HERC1: variants seen among roughly 807,000 people sequenced by gnomAD.
HERC1 encodes HECT and RLD domain containing E3 ubiquitin protein ligase family member 1.
HERC1 carries 160 observed loss-of-function variants against 554.3 expected under a neutral mutation model. The observed-to-expected ratio is 0.29, with a 90% CI of 0.25 to 0.33. The LOEUF (loss-of-function observed/expected upper bound fraction) is 0.33. Among genes scored for constraint, HERC1 ranks in the 10% least tolerant of loss-of-function variants. The probability of loss-of-function intolerance (pLI) is 1.00; values close to 1 mark genes in which losing one functional copy is unlikely to be tolerated. For missense variants in HERC1, 4,919 were observed against 5,918.5 expected (o/e 0.83, Z 5.54); for synonymous variants, 2,175 against 2,131.7 (o/e 1.02, Z -0.56).
intron 1 of HERC1, among the ~76,000 whole-genome samples, chr15:63,831,847 C>T (rs541283815): frequency 1.4e-4 from 22 of 152,244 alleles, no homozygotes; most frequent in African/African-American, 1.7e-4. Flanking sequence ...GATTAAGTGA[C>T]GCATTTACAT....
chr15:63,669,984 C>T (rs1194670386), intron 39 of HERC1, among the ~76,000 whole-genome samples: 2 of 152,172 alleles, frequency 1.3e-5, no homozygotes, highest in African/African-American at 4.8e-5. Context: ...CCTGCCTTCA[C>T]AGAGCTTTCC....
chr15:63,702,999 G>A (rs1256201008), intron 25 of HERC1, among the ~76,000 whole-genome samples: 1 of 151,806 alleles, frequency 6.6e-6, no homozygotes, highest in Non-Finnish European at 1.5e-5. Flanking sequence ...AGCTACTCAG[G>A]AGGCTGAGGC....
intron 25 of HERC1, 127 bp from the exon 26 acceptor site, chr15:63,699,123 C>T (rs1430816502): frequency 2.3e-5 from 18 of 781,232 alleles, no homozygotes; most frequent in South Asian, 8.0e-5. Flanking sequence ...TTTGAATACG[C>T]GCATGCATTA....
chr15:63,772,416 A>G (rs1478868317), intron 2 of HERC1, among the ~76,000 whole-genome samples: 1 of 151,844 alleles, frequency 6.6e-6, no homozygotes, highest in Non-Finnish European at 1.5e-5. Context: ...AACAAAGGTA[A>G]TGCAAAATAA....
At chr15:63,669,169 A>T (rs996194507) in intron 40 of HERC1, among the ~76,000 whole-genome samples, 2 of 152,238 alleles carry the variant, frequency 1.3e-5, no homozygotes, top group Non-Finnish European at 2.9e-5. Flanking sequence ...AATAGTCCAG[A>T]GGGCAAAGAA....
chr15:63,612,664 A>AC lies in HERC1; in HGVS notation c.14095-109dup. 1 of 1,046,572 alleles carries AC rather than the reference A, an allele frequency of 9.6e-7. No homozygotes were observed. Among genetic ancestry groups the AC allele is most frequent in the South Asian group, 1.6e-5 (1 of 60,624 alleles). The allele number at this position is 1,046,572 out of a possible 1,614,324, so 64.8% of individuals were successfully genotyped here. On this transcript the variant is annotated intron_variant, in intron 76 of 77. Coordinates refer to ENST00000443617, the MANE Select transcript of HERC1 (RefSeq NM_003922.4). This position sits in a 1 kb window ranked among gnomAD's most constrained non-coding sequence, Gnocchi z 5.0. ...TGATGCCTGCTCGTCCGCTCCCCAGACCCTCTACTTGTTTCTCAGACCGCC... is the reference window on the plus strand; with the variant it reads ...TGATGCCTGCTCGTCCGCTCCCCAGACCCCTCTACTTGTTTCTCAGACCGCC...
chr15:63,743,111 C>A (rs2074879516), intron 12 of HERC1, among the ~76,000 whole-genome samples: 3 of 152,048 alleles, frequency 2.0e-5, no homozygotes, highest in Non-Finnish European at 2.9e-5. Flanking sequence ...TGCTCCTGGG[C>A]TTTTCTTCAT....
At position 63,680,753 on chromosome 15, in the gene HERC1, T is replaced by C. The variant is rs765206901; in HGVS notation, c.6249A>G (p.Arg2083=). 2 of 1,611,548 alleles carry C rather than the reference T, an allele frequency of 1.2e-6. No individual in the cohort carries two copies. The highest frequency in any genetic ancestry group is 1.3e-5 in the African/African-American group (1 of 74,884). Residue 2083 remains arginine, a synonymous_variant, in exon 35 of 78, where the codon AGA becomes AGG. Coordinates refer to ENST00000443617, the MANE Select transcript of HERC1 (RefSeq NM_003922.4). The surrounding 1 kb of genome is among the most constrained non-coding windows in gnomAD (Gnocchi z 5.8). Reference sequence around the variant, plus strand: ...CTCCAACACACGTGCCTTCATTACCTCTGTTTTCCTTCACAATATAAAACT... The same window carrying C: ...CTCCAACACACGTGCCTTCATTACCCCTGTTTTCCTTCACAATATAAAACT... ...QWKFYIVKEN[R]GNEGTCVGVS...
At chr15:63,687,061 T>C (rs969040606) in intron 33 of HERC1, among the ~76,000 whole-genome samples, 8 of 152,164 alleles carry the variant, frequency 5.3e-5, no homozygotes, top group Non-Finnish European at 1.0e-4. Context: ...AATCAAATCA[T>C]GGAAAACCTT....
rs116923934 is a variant in HERC1 at position 63,644,129 on chromosome 15, A to T, written c.11185-579T>A. The stretch of plus-strand genomic sequence containing the variant: ...ATATTCTCCTATTAGTGAGTTGGCT[A>T]CTCCTTCCCTCCCTCTCCACCCTTT... On this transcript the variant is annotated intron_variant, in intron 57 of 77. Transcript: ENST00000443617. 4.1e-3 allele frequency among the ~76,000 whole-genome samples: 623 copies of T among 151,804 alleles called. 1 individual carries two copies. Among genetic ancestry groups the T allele is most frequent in the Non-Finnish European group, 6.5e-3 (441 of 67,888 alleles).
chr15:63,643,871 A>AT (rs2069191858), intron 57 of HERC1, among the ~76,000 whole-genome samples: 1 of 152,188 alleles, frequency 6.6e-6, no homozygotes, highest in African/African-American at 2.4e-5. Context: ...CAGTGTTTTG[A>AT]TTTTTAAATT....
At position 63,694,114 on chromosome 15, in the gene HERC1, AC is replaced by A; in HGVS notation, c.5523del (p.Leu1841PhefsTer9). The A allele has an allele frequency of 6.2e-7, 1 of 1,610,040 alleles. No individual in the cohort carries two copies. Among genetic ancestry groups the A allele is most frequent in the Non-Finnish European group, 8.5e-7 (1 of 1,177,982 alleles). On this transcript the variant is annotated frameshift_variant, in exon 30 of 78. Transcript: ENST00000443617. LOFTEE classifies it high-confidence loss of function. The surrounding 1 kb of genome is among the most constrained non-coding windows in gnomAD (Gnocchi z 4.3). ...DKLSPKVVQS[L>X]LDLLCSQLKN... ...TTCAACTGACTACAGAGTAGATCCAACAAGGATTGAACTACTTTGGGACTCA... is the reference window on the plus strand; with the variant it reads ...TTCAACTGACTACAGAGTAGATCCAAAAGGATTGAACTACTTTGGGACTCA...
At chr15:63,655,485 A>T (rs922457222) in intron 50 of HERC1, among the ~76,000 whole-genome samples, 1 of 151,470 alleles carries the variant, frequency 6.6e-6, no homozygotes, top group Non-Finnish European at 1.5e-5. Flanking sequence ...CACTGCCTTC[A>T]TCTAAATTTT....
chr15:63,646,702 G>A (rs2069364192), intron 55 of HERC1, among the ~76,000 whole-genome samples: 1 of 151,864 alleles, frequency 6.6e-6, no homozygotes, highest in South Asian at 2.1e-4. Context: ...CAGCTACTCA[G>A]GAGGCTGAGG....
intron 2 of HERC1, among the ~76,000 whole-genome samples, chr15:63,772,971 T>G (rs1332379717): frequency 6.6e-6 from 1 of 152,214 alleles, no homozygotes; most frequent in Non-Finnish European, 1.5e-5. Context: ...TGTCCCTGGT[T>G]TGAAAATAAA....
At chr15:63,826,048 G>A (rs541251983) in intron 1 of HERC1, among the ~76,000 whole-genome samples, 1 of 152,140 alleles carries the variant, frequency 6.6e-6, no homozygotes, top group Non-Finnish European at 1.5e-5. Context: ...ACAGGTGTGA[G>A]CCACCACGCC....
Position 63,754,550 on chromosome 15 carries a change from A to C in HERC1, c.1729T>G (p.Ser577Ala). ...GACCATACAGTTCTCCCATCTTTAGACAGAGCAATAGTATGTGAACTGCCA... is the reference window on the plus strand; with the variant it reads ...GACCATACAGTTCTCCCATCTTTAGCCAGAGCAATAGTATGTGAACTGCCA... The part of the protein sequence containing the change: ...SCGSSHTIAL[S>A]KDGRTVWSFG... The change falls in exon 7 of 78, where the codon TCT becomes GCT. Residue 577 changes from serine (S) to alanine (A), a missense_variant. Coordinates refer to ENST00000443617, the MANE Select transcript of HERC1 (RefSeq NM_003922.4). 1 of 1,613,190 alleles carries C rather than the reference A, an allele frequency of 6.2e-7. No homozygotes were observed. The highest frequency in any genetic ancestry group is 1.1e-5 in the South Asian group (1 of 90,926).
At chr15:63,784,825 G>T (rs1218651570) in intron 1 of HERC1, among the ~76,000 whole-genome samples, 1 of 152,172 alleles carries the variant, frequency 6.6e-6, no homozygotes, top group Non-Finnish European at 1.5e-5. Flanking sequence ...TGGCCAGGAT[G>T]GGCTCGCTTT....
At chr15:63,701,816 A>T (rs926213183) in intron 25 of HERC1, among the ~76,000 whole-genome samples, 1 of 152,158 alleles carries the variant, frequency 6.6e-6, no homozygotes, top group Non-Finnish European at 1.5e-5. Flanking sequence ...AAAGAACTTT[A>T]ATTTTTTTTT....
Sources: allele counts gnomAD v4.1 joint callset (sites outside exome capture counted in the v4.1 genomes callset), GRCh38; gene constraint gnomAD v4.1.1; non-coding constraint Gnocchi (gnomAD v3.1); transcripts MANE v1.5; gene names NCBI Gene and HGNC (gene_info 2026-07-23, HGNC 2026-07-21).